The following GABRA3 variants were observed in gnomAD, a reference collection of about 807,000 sequenced individuals.
The protein encoded by GABRA3 is gamma-aminobutyric acid receptor subunit alpha-3.
GABRA3 carries 10 observed loss-of-function variants against 30.1 expected under a neutral mutation model. The ratio of observed to expected loss-of-function variants is 0.33; its 90% CI spans 0.20 to 0.56. The LOEUF is 0.56. Among genes scored for constraint, GABRA3 ranks in the 20% least tolerant of loss-of-function variants. The pLI is 0.89. For synonymous variants in GABRA3, 151 were observed against 146.8 expected (o/e 1.03, Z -0.21); for missense variants, 233 against 392.0 (o/e 0.59, Z 3.42).
rs200366332 is a variant in GABRA3, at chrX:152,191,664, T to C, written c.932-1723A>G. 7.3e-5 allele frequency among the ~76,000 whole-genome samples: 8 copies of C among 109,020 alleles called. No individual in the cohort carries two copies. The East Asian group carries it at 2.4e-3, about 32-fold the overall frequency. 94.7% of individuals were successfully genotyped at this position (109,020 alleles called of 115,157 possible). On this transcript the variant is annotated intron_variant, in intron 8 of 9. Coordinates refer to ENST00000370314, the MANE Select transcript of GABRA3 (RefSeq NM_000808.4). ...AACTTTACCCAGAGGGTCAGCCATG[T>C]GTGCTGAAGCCTCTGGGGCTTCCTT...
intron 1 of GABRA3, among the ~76,000 whole-genome samples, chrX:152,392,672 C>G (rs143388151): frequency 8.9e-6 from 1 of 111,843 alleles, no homozygotes; most frequent in Non-Finnish European, 1.9e-5. Context: ...GGCAAAGGTG[C>G]ATAGAGGACC....
At chrX:152,290,642 T>G (rs1317708661) in intron 3 of GABRA3, among the ~76,000 whole-genome samples, 1 of 112,259 alleles carries the variant, frequency 8.9e-6, no homozygotes, top group Non-Finnish European at 1.9e-5. Flanking sequence ...CTTTTACGGT[T>G]TCAGGTCTAA....
At chrX:152,354,897 T>C (rs1302092456) in intron 2 of GABRA3, among the ~76,000 whole-genome samples, 2 of 111,950 alleles carry the variant, frequency 1.8e-5, no homozygotes, top group African/African-American at 6.5e-5. Context: ...TATTGATGCA[T>C]TGATTCTTTA....
chrX:152,198,921 T>C (rs752900141), intron 7 of GABRA3, among the ~76,000 whole-genome samples: 15 of 112,022 alleles, frequency 1.3e-4, no homozygotes, highest in Non-Finnish European at 2.4e-4. Context: ...TGTGGCCTTG[T>C]TTGGAAATAG....
chrX:152,182,640 TAC>T (rs1188099557), intron 9 of GABRA3, among the ~76,000 whole-genome samples: 75 of 84,759 alleles, frequency 8.8e-4, no homozygotes, highest in South Asian at 1.4e-3. Context: ...ACACTATATA[TAC>T]ACTATATATA....
At chrX:152,330,902 G>A (rs1428587202) in intron 3 of GABRA3, among the ~76,000 whole-genome samples, 1 of 111,196 alleles carries the variant, frequency 9.0e-6, no homozygotes, top group Non-Finnish European at 1.9e-5. Context: ...ACATAAAAAG[G>A]AATCTTTGTA....
At chrX:152,264,959 T>A (rs751210202) in intron 4 of GABRA3, among the ~76,000 whole-genome samples, 5 of 111,578 alleles carry the variant, frequency 4.5e-5, no homozygotes, top group Non-Finnish European at 7.6e-5. Context: ...CAATTGTAAA[T>A]ATATATGCAC....
At chrX:152,413,228 A>G (rs1471918692) in intron 1 of GABRA3, among the ~76,000 whole-genome samples, 5 of 110,482 alleles carry the variant, frequency 4.5e-5, no homozygotes, top group Non-Finnish European at 7.6e-5. Flanking sequence ...AATTTACCAT[A>G]TATTAAAAAA....
At chrX:152,381,619 C>T (rs901076997) in intron 1 of GABRA3, among the ~76,000 whole-genome samples, 3 of 110,857 alleles carry the variant, frequency 2.7e-5, no homozygotes, top group Admixed American at 9.6e-5. Flanking sequence ...AGGTTTGTTA[C>T]ATAGGTGCCA....
intron 5 of GABRA3, among the ~76,000 whole-genome samples, chrX:152,233,923 A>T (rs1382450369): frequency 9.4e-6 from 1 of 106,933 alleles, no homozygotes; most frequent in Non-Finnish European, 1.9e-5. Context: ...GGAAATCATC[A>T]TTCTCAGTAA....
In GABRA3 at chrX:152,292,579, G is replaced by A. The variant is rs1185296597; in HGVS notation, c.263-7844C>T. Among the ~76,000 whole-genome samples, 5 of 110,755 alleles carry A rather than the reference G, an allele frequency of 4.5e-5. No individual in the cohort carries two copies. The South Asian group carries it at 1.5e-3, about 34-fold the overall frequency. The stretch of plus-strand genomic sequence containing the variant: ...TCTGCTCTGATCTTAATTATTTCTT[G>A]CCTTCTGATAGCTTTTGAATTTGCT... On this transcript the variant is annotated intron_variant, in intron 3 of 9. Coordinates refer to ENST00000370314, the MANE Select transcript of GABRA3 (RefSeq NM_000808.4).
At chrX:152,322,371 T>C (rs1939977621) in intron 3 of GABRA3, among the ~76,000 whole-genome samples, 1 of 111,108 alleles carries the variant, frequency 9.0e-6, no homozygotes, top group African/African-American at 3.3e-5. Flanking sequence ...GATAAGGGGT[T>C]TTACTTTGGA....
intron 5 of GABRA3, among the ~76,000 whole-genome samples, chrX:152,230,566 T>C (rs1230263220): frequency 1.8e-5 from 2 of 111,277 alleles, no homozygotes; most frequent in African/African-American, 6.5e-5. Flanking sequence ...TTTCCAGTTT[T>C]AAAGCTACAG....
At chrX:152,374,881 T>G (rs1041319808) in intron 1 of GABRA3, among the ~76,000 whole-genome samples, 3 of 111,675 alleles carry the variant, frequency 2.7e-5, no homozygotes, top group African/African-American at 9.8e-5. Flanking sequence ...CCCAGCACTA[T>G]TTATTAAATA....
At chrX:152,227,535 TAATA>T (rs1205256890) in intron 5 of GABRA3, among the ~76,000 whole-genome samples, 1 of 105,142 alleles carries the variant, frequency 9.5e-6, no homozygotes, top group Non-Finnish European at 1.9e-5. Context: ...AGTATAATGA[TAATA>T]AATATATATA....
intron 9 of GABRA3, among the ~76,000 whole-genome samples, chrX:152,177,056 G>T (rs1603197673): frequency 1.8e-5 from 2 of 111,848 alleles, no homozygotes; most frequent in East Asian, 5.6e-4. Context: ...CTTTTTCAAA[G>T]AAGACATCTT....
At position 152,385,910 on chromosome X, in the gene GABRA3, C is replaced by T. The variant is rs1369426923; in HGVS notation, c.-26-21314G>A. 2.7e-4 allele frequency among the ~76,000 whole-genome samples: 30 copies of T among 110,577 alleles called. No individual in the cohort carries two copies. In the South Asian group the frequency reaches 7.8e-3, roughly 29 times the overall value. ...CAAAGATCAGATAGTTGTAGATATG[C>T]GGCGTTCTTTCTGAGGGCTCTGTTC... On this transcript the variant is annotated intron_variant, in intron 1 of 9. Transcript: ENST00000370314.
intron 1 of GABRA3, among the ~76,000 whole-genome samples, chrX:152,385,905 ATATGCGGCGT>A (rs1047347333): frequency 3.6e-5 from 4 of 110,665 alleles, no homozygotes; most frequent in Non-Finnish European, 7.6e-5. Context: ...ATAGTTGTAG[ATATGCGGCGT>A]TCTTTCTGAG....
chrX:152,251,405 T>A (rs954755454), intron 5 of GABRA3, among the ~76,000 whole-genome samples: 1 of 110,232 alleles, frequency 9.1e-6, no homozygotes, highest in African/African-American at 3.3e-5. Flanking sequence ...TCCTTTCTTC[T>A]CTCTTCTCTA....
Sources: allele counts gnomAD v4.1 joint callset (sites outside exome capture counted in the v4.1 genomes callset), GRCh38; gene constraint gnomAD v4.1.1; transcripts MANE v1.5; gene names NCBI Gene and HGNC (gene_info 2026-07-23, HGNC 2026-07-21).